The following THSD4 variants were observed in gnomAD, a reference collection of about 807,000 sequenced individuals.
The protein encoded by THSD4 is thrombospondin type-1 domain-containing protein 4.
In THSD4, 69 loss-of-function variants were observed where a neutral mutation model predicts 119.0. The ratio of observed to expected loss-of-function variants is 0.58; its 90% CI spans 0.48 to 0.71. The LOEUF (loss-of-function observed/expected upper bound fraction) is 0.71. Among genes scored for constraint, THSD4 ranks in the 30% least tolerant of loss-of-function variants. The pLI, the probability that THSD4 is intolerant of heterozygous loss-of-function variation, is 0.00. For missense variants in THSD4, 1,393 were observed against 1,391.1 expected, an observed-to-expected ratio of 1.00 and a Z score of -0.02; for synonymous variants, 524 against 540.4, an observed-to-expected ratio of 0.97 and a Z score of 0.42.
chr15:71,468,795 G>C (rs1310037711), intron 7 of THSD4, among the ~76,000 whole-genome samples: 1 of 152,156 alleles, frequency 6.6e-6, no homozygotes, highest in Non-Finnish European at 1.5e-5. Flanking sequence ...TAAAGTGACT[G>C]CTGCAGCTCC....
At chr15:71,214,989 G>C in intron 3 of THSD4, 46 bp from the exon 4 acceptor site, 1 of 1,231,742 alleles carries the variant, frequency 8.1e-7, no homozygotes, top group Non-Finnish European at 1.0e-6. Flanking sequence ...TTCGGGTGAA[G>C]AGAGGAGCGG....
At chr15:71,640,992 C>G (rs944805726) in intron 7 of THSD4, among the ~76,000 whole-genome samples, 3 of 151,832 alleles carry the variant, frequency 2.0e-5, no homozygotes, top group Non-Finnish European at 4.4e-5. Context: ...CACACACACA[C>G]ACACACACAC....
At chr15:71,388,220 C>T (rs1219869871) in intron 6 of THSD4, among the ~76,000 whole-genome samples, 2 of 152,196 alleles carry the variant, frequency 1.3e-5, no homozygotes, top group Non-Finnish European at 2.9e-5. Context: ...TCTTAAATTT[C>T]TGCTGCATAG....
At chr15:71,741,668 C>T (rs1203053091) in intron 11 of THSD4, among the ~76,000 whole-genome samples, 6 of 146,846 alleles carry the variant, frequency 4.1e-5, no homozygotes, top group Non-Finnish European at 7.5e-5. Context: ...AGCCCATATA[C>T]ACCCATGTGT....
chr15:71,708,690 A>C (rs2052443550), intron 8 of THSD4, among the ~76,000 whole-genome samples: 1 of 152,138 alleles, frequency 6.6e-6, no homozygotes, highest in Admixed American at 6.5e-5. Context: ...TTTCATTCTG[A>C]CCTGGAGTGT....
At chr15:71,299,049 C>CGCCTTTATCTTACTGAGTT (rs1301098469) in intron 6 of THSD4, among the ~76,000 whole-genome samples, 42 of 152,176 alleles carry the variant, frequency 2.8e-4, no homozygotes, top group Non-Finnish European at 3.8e-4. Flanking sequence ...TAGTCTGAGT[C>CGCCTTTATCTTACTGAGTT]GCCTTTATCT....
intron 13 of THSD4, among the ~76,000 whole-genome samples, chr15:71,747,600 T>C (rs1221877554): frequency 1.3e-5 from 2 of 152,176 alleles, no homozygotes; most frequent in East Asian, 1.9e-4. Flanking sequence ...GAGTTGTCTT[T>C]TTCATTGGAG....
chr15:71,683,280 A>G (rs2051834514), intron 8 of THSD4, among the ~76,000 whole-genome samples: 1 of 151,932 alleles, frequency 6.6e-6, no homozygotes, highest in Admixed American at 6.6e-5. Flanking sequence ...TGAATTTTTG[A>G]AACCATTTTG....
At chr15:71,564,105 A>G (rs2049178019) in intron 7 of THSD4, among the ~76,000 whole-genome samples, 1 of 152,246 alleles carries the variant, frequency 6.6e-6, no homozygotes, top group Non-Finnish European at 1.5e-5. Flanking sequence ...ATAAAATTGG[A>G]CAAATGTATT....
intron 1 of THSD4, among the ~76,000 whole-genome samples, chr15:71,125,462 T>C (rs917854732): frequency 6.6e-6 from 1 of 152,244 alleles, no homozygotes; most frequent in Non-Finnish European, 1.5e-5. Flanking sequence ...CTCTTTGAAA[T>C]TGTTACTTTG....
At chr15:71,391,553 T>A (rs1394366562) in intron 6 of THSD4, among the ~76,000 whole-genome samples, 1 of 152,190 alleles carries the variant, frequency 6.6e-6, no homozygotes, top group Non-Finnish European at 1.5e-5. Context: ...GTCAGGGAAC[T>A]GAGTCTAGGG....
At chr15:71,371,888 C>T (rs1476533930) in intron 6 of THSD4, among the ~76,000 whole-genome samples, 1 of 152,156 alleles carries the variant, frequency 6.6e-6, no homozygotes. Flanking sequence ...CAACTTGGTT[C>T]CATTCTCCCC....
intron 6 of THSD4, among the ~76,000 whole-genome samples, chr15:71,275,422 G>A (rs1842312405): frequency 6.6e-6 from 1 of 152,226 alleles, no homozygotes; most frequent in Non-Finnish European, 1.5e-5. Context: ...GTGGGGACAT[G>A]TCCTGAAGGA....
intron 8 of THSD4, among the ~76,000 whole-genome samples, chr15:71,700,630 A>T (rs2052266901): frequency 1.3e-5 from 2 of 152,150 alleles, no homozygotes; most frequent in Admixed American, 1.3e-4. Flanking sequence ...TTGAATAAAG[A>T]TGAAGTGAAA....
At chr15:71,660,303 C>T (rs1471460095) in intron 7 of THSD4, among the ~76,000 whole-genome samples, 3 of 152,166 alleles carry the variant, frequency 2.0e-5, no homozygotes, top group South Asian at 2.1e-4. Flanking sequence ...TACATCTTCC[C>T]TAGTCTTTTT....
intron 6 of THSD4, among the ~76,000 whole-genome samples, chr15:71,294,793 A>G (rs1295462036): frequency 6.6e-6 from 1 of 152,148 alleles, no homozygotes; most frequent in Non-Finnish European, 1.5e-5. Context: ...GATATGTTAC[A>G]GGATGTTTTA....
intron 7 of THSD4, among the ~76,000 whole-genome samples, chr15:71,439,516 G>GT (rs1420022230): frequency 6.6e-6 from 1 of 152,106 alleles, no homozygotes; most frequent in African/African-American, 2.4e-5. Flanking sequence ...CTATTACTGA[G>GT]TATATACCCT....
intron 7 of THSD4, among the ~76,000 whole-genome samples, chr15:71,570,776 A>G (rs186977909): frequency 5.9e-5 from 9 of 152,252 alleles, no homozygotes; most frequent in Admixed American, 5.2e-4. Context: ...TCTTCTCCCT[A>G]GAGTGGCAGT....
intron 7 of THSD4, among the ~76,000 whole-genome samples, chr15:71,502,808 A>G (rs969953219): frequency 1.3e-5 from 2 of 152,190 alleles, no homozygotes; most frequent in African/African-American, 4.8e-5. Flanking sequence ...AGAGTTGGAG[A>G]GAGAAATCAT....
Sources: gnomAD v4.1 joint callset for allele counts (sites outside exome capture counted in the v4.1 genomes callset) on GRCh38, gnomAD v4.1.1 for gene constraint, MANE v1.5 for transcripts, NCBI Gene and HGNC (gene_info 2026-07-23, HGNC 2026-07-21) for gene names.